Variants in EBF1 observed in about 807,000 individuals in gnomAD.
The protein encoded by EBF1 is transcription factor COE1.
A neutral mutation model predicts 68.4 loss-of-function variants in EBF1; 10 were observed. That is an observed-to-expected ratio of 0.15 (90% CI 0.09 to 0.25). The LOEUF is 0.25. Among genes scored for constraint, EBF1 ranks in the 10% least tolerant of loss-of-function variants. The pLI, the probability that EBF1 is intolerant of heterozygous loss-of-function variation, is 1.00. For missense variants in EBF1, 509 were observed against 794.4 expected, an observed-to-expected ratio of 0.64 and a Z score of 4.32; for synonymous variants, 298 against 299.8, an observed-to-expected ratio of 0.99 and a Z score of 0.06.
chr5:158,983,937 T>TGC (rs1758430632), intron 6 of EBF1, among the ~76,000 whole-genome samples: 1 of 151,048 alleles, frequency 6.6e-6, no homozygotes, highest in South Asian at 2.1e-4. Context: ...TGTGTGTGTG[T>TGC]GTGTAACCAA....
intron 6 of EBF1, among the ~76,000 whole-genome samples, chr5:158,997,312 G>A (rs1761617655): frequency 6.6e-6 from 1 of 152,150 alleles, no homozygotes; most frequent in African/African-American, 2.4e-5. Flanking sequence ...CCAGGCGGAG[G>A]ACCCTTGAAC....
chr5:158,709,205 GTTA>G (rs1758593008), intron 14 of EBF1, among the ~76,000 whole-genome samples: 1 of 152,046 alleles, frequency 6.6e-6, no homozygotes, highest in South Asian at 2.1e-4. Context: ...TTTCTTCTAT[GTTA>G]TTATTTTTTC....
chr5:158,825,646 C>T (rs980000523), intron 7 of EBF1, among the ~76,000 whole-genome samples: 1 of 152,058 alleles, frequency 6.6e-6, no homozygotes, highest in South Asian at 2.1e-4. Context: ...AAAAACTACA[C>T]CCCATATGTT....
intron 9 of EBF1, among the ~76,000 whole-genome samples, chr5:158,793,709 C>A (rs1779112895): frequency 1.3e-5 from 2 of 152,120 alleles, no homozygotes; most frequent in South Asian, 4.1e-4. Context: ...TGCATACAAG[C>A]CTATTGTGAG....
chr5:159,041,059 G>A (rs1202233342), intron 6 of EBF1, among the ~76,000 whole-genome samples: 1 of 152,154 alleles, frequency 6.6e-6, no homozygotes, highest in East Asian at 1.9e-4. Flanking sequence ...GAAATACAGA[G>A]GCAAACCCTT....
chr5:158,897,572 A>C (rs1005499850), intron 6 of EBF1, among the ~76,000 whole-genome samples: 5 of 151,950 alleles, frequency 3.3e-5, no homozygotes, highest in Admixed American at 2.0e-4. Flanking sequence ...CCCTGAACTT[A>C]AACGTTAAAA....
chr5:159,011,903 C>T (rs890302420), intron 6 of EBF1, among the ~76,000 whole-genome samples: 29 of 152,218 alleles, frequency 1.9e-4, no homozygotes, highest in Non-Finnish European at 3.8e-4. Context: ...TTTTCTTTGA[C>T]TTTCTTGCTG....
At chr5:158,858,890 G>A (rs1348528564) in intron 6 of EBF1, among the ~76,000 whole-genome samples, 1 of 152,096 alleles carries the variant, frequency 6.6e-6, no homozygotes. Flanking sequence ...GTCAGGGGTG[G>A]GGCCGGGTGA....
chr5:158,788,532 C>T (rs1777915689), intron 9 of EBF1, among the ~76,000 whole-genome samples: 1 of 152,126 alleles, frequency 6.6e-6, no homozygotes, highest in Non-Finnish European at 1.5e-5. Context: ...GAAGTTGTGG[C>T]TTTAGAAAAG....
chr5:158,712,355 GGAGGT>G, intron 13 of EBF1, 22 bp from the exon 14 acceptor site: 1 of 1,611,228 alleles, frequency 6.2e-7, no homozygotes, highest in South Asian at 1.1e-5. Flanking sequence ...GGGCAAAACC[GGAGGT>G]GAGGGTGGCA....
In EBF1 at chr5:158,712,142, A is replaced by T; in HGVS notation, c.1549+12T>A. On this transcript the variant is annotated intron_variant, in intron 14 of 15. Transcript: ENST00000313708. ...AAACGTGCAGGAACGCAGGATATGC[A>T]TCTCTACTTACTGGCATAGGGGGAG... is the stretch of plus-strand genomic sequence containing the variant. 3.7e-6 allele frequency: 6 copies of T among 1,613,370 alleles called. No homozygotes were observed. The highest frequency in any genetic ancestry group is 4.2e-6 in the Non-Finnish European group (5 of 1,179,710).
intron 6 of EBF1, among the ~76,000 whole-genome samples, chr5:158,861,519 T>C (rs1458197163): frequency 6.6e-6 from 1 of 152,192 alleles, no homozygotes; most frequent in African/African-American, 2.4e-5. Context: ...ATAAACCCCA[T>C]GTTTATGTAT....
At chr5:158,720,224 C>T (rs969698909) in intron 11 of EBF1, among the ~76,000 whole-genome samples, 5 of 152,100 alleles carry the variant, frequency 3.3e-5, no homozygotes, top group Admixed American at 3.3e-4. Flanking sequence ...GTGCATTCAG[C>T]TCCTAGACTT....
At chr5:158,878,722 C>A (rs746316653) in intron 6 of EBF1, among the ~76,000 whole-genome samples, 52 of 151,132 alleles carry the variant, frequency 3.4e-4, no homozygotes, top group Non-Finnish European at 5.9e-4. Context: ...CAGCTCACTG[C>A]AACCTCCGCC....
chr5:159,086,255 G>A (rs1467299904), intron 4 of EBF1, among the ~76,000 whole-genome samples: 1 of 152,014 alleles, frequency 6.6e-6, no homozygotes, highest in African/African-American at 2.4e-5. Context: ...GTAAATTGCA[G>A]ACATGCCCTA....
rs2127451133 is a variant in EBF1, at chr5:158,697,407, A to T, written c.*1704T>A. 1 of 205,660 alleles carries T rather than the reference A, an allele frequency of 4.9e-6. No homozygotes were observed. The highest frequency in any genetic ancestry group is 7.4e-5 in the East Asian group (1 of 13,462). The allele number at this position is 205,660 out of a possible 1,614,324, so 12.7% of individuals were successfully genotyped here. A position where few individuals can be genotyped will look rare whatever the true frequency, so the allele number is the denominator to read the frequency against. ...CAATACTAAAAATAACTATAAATGA[A>T]ATGTTTAAAAATCACATTGAAACAG... On this transcript the variant is annotated 3_prime_UTR_variant, in exon 16 of 16. Transcript: ENST00000313708.
intron 11 of EBF1, among the ~76,000 whole-genome samples, chr5:158,719,035 T>C (rs1761366146): frequency 6.6e-6 from 1 of 152,210 alleles, no homozygotes; most frequent in African/African-American, 2.4e-5. Flanking sequence ...GTTACTGATT[T>C]TTAAAAGTAC....
intron 6 of EBF1, among the ~76,000 whole-genome samples, chr5:158,889,664 C>T (rs759838482): frequency 6.6e-5 from 10 of 152,104 alleles, no homozygotes; most frequent in African/African-American, 2.4e-4. Context: ...ATTATTTGCT[C>T]AGATGTTCCA....
intron 6 of EBF1, among the ~76,000 whole-genome samples, chr5:158,951,571 G>A (rs992276216): frequency 6.6e-6 from 1 of 152,150 alleles, no homozygotes; most frequent in African/African-American, 2.4e-5. Context: ...ATTCATAAAT[G>A]CCATTAATAG....
Sources: allele counts gnomAD v4.1 joint callset (sites outside exome capture counted in the v4.1 genomes callset), GRCh38; gene constraint gnomAD v4.1.1; transcripts MANE v1.5; gene names NCBI Gene and HGNC (gene_info 2026-07-23, HGNC 2026-07-21).